VWA5B1: variants seen among roughly 807,000 people sequenced by gnomAD.
VWA5B1 encodes the protein von Willebrand factor A domain-containing protein 5B1.
In VWA5B1, 115 loss-of-function variants were observed where a neutral mutation model predicts 118.2. The ratio of observed to expected loss-of-function variants is 0.97; its 90% CI spans 0.84 to 1.14. The LOEUF (loss-of-function observed/expected upper bound fraction) is 1.14, where lower values mean the gene tolerates loss of function less well. VWA5B1 is among the 50% of genes most tolerant of loss of function. The probability of loss-of-function intolerance (pLI) is 0.00; values close to 1 mark genes in which losing one functional copy is unlikely to be tolerated. For synonymous variants in VWA5B1, 682 were observed against 658.4 expected, an observed-to-expected ratio of 1.04 and a Z score of -0.55; for missense variants, 1,596 against 1,603.8, an observed-to-expected ratio of 1.00 and a Z score of 0.08.
At chr1:20,340,796 G>A (rs755027022) in intron 14 of VWA5B1, among the ~76,000 whole-genome samples, 7 of 152,178 alleles carry the variant, frequency 4.6e-5, no homozygotes, top group Non-Finnish European at 8.8e-5. Flanking sequence ...GACCCACTTG[G>A]TTTTGAGTGT....
chr1:20,348,660 G>A (rs1182060769), intron 18 of VWA5B1, among the ~76,000 whole-genome samples: 1 of 152,152 alleles, frequency 6.6e-6, no homozygotes, highest in African/African-American at 2.4e-5. Context: ...GCTGTTCCCT[G>A]CCTCCAGCCT....
chr1:20,302,896 C>A (rs1033376957), intron 1 of VWA5B1, among the ~76,000 whole-genome samples: 2 of 152,178 alleles, frequency 1.3e-5, no homozygotes, highest in African/African-American at 4.8e-5. Context: ...GAGGTCTTGA[C>A]TGGCTGGAGC....
At chr1:20,322,970 C>T (rs12068526) in intron 7 of VWA5B1, 2,361 of 158,632 alleles carry the variant, frequency 0.015, 58 homozygotes, top group African/African-American at 0.052. Context: ...AGTGTAAAAG[C>T]GAGAGACCAT....
In VWA5B1 at chr1:20,350,204, G is replaced by A. The variant is rs1292110132; in HGVS notation, c.2927G>A (p.Gly976Asp). The A allele has an allele frequency of 1.9e-6, 3 of 1,551,046 alleles. No homozygotes were observed. The highest frequency in any genetic ancestry group is 1.7e-6 in the Non-Finnish European group (2 of 1,146,990). Residue 976 changes from glycine to aspartate, a missense_variant, in exon 19 of 22, where the codon GGC (glycine) becomes GAC (aspartate). Transcript: ENST00000289815. Reference protein sequence around the residue: ...TALFSEARSPGREKHGASEGP... With the variant: ...TALFSEARSPDREKHGASEGP... ...CTCTTCAGCGAGGCCAGGTCCCCCG[G>A]CCGCGAGAAGCACGGTGCTTCTGAA... is the stretch of plus-strand genomic sequence containing the variant.
At chr1:20,327,814 A>G (rs1029162983) in intron 8 of VWA5B1, 76 bp from the exon 9 acceptor site, 1 of 1,239,062 alleles carries the variant, frequency 8.1e-7, no homozygotes, top group African/African-American at 1.5e-5. Flanking sequence ...GTGCTGGGAA[A>G]GGGAATATTG....
At chr1:20,334,618 C>G (rs914740370) in intron 12 of VWA5B1, among the ~76,000 whole-genome samples, 10 of 152,090 alleles carry the variant, frequency 6.6e-5, no homozygotes, top group Admixed American at 6.6e-4. Flanking sequence ...CGAGACCAGC[C>G]TGGCCAACAT....
Position 20,345,575 on chromosome 1 carries a change from G to A in VWA5B1, c.2746G>A (p.Val916Met). 1.3e-6 allele frequency: 2 copies of A among 1,550,014 alleles called. No homozygotes were observed. The highest frequency in any genetic ancestry group is 2.4e-5 in the East Asian group (1 of 40,894). Reference protein sequence around the residue: ...VSKSRYLPTVVEYPNSGAALR... With the variant: ...VSKSRYLPTVMEYPNSGAALR... ...CAAGAGCCGGTACCTGCCCACCGTGGTGGAGTACCCCAACTCTGGTAAGGC... is the reference window on the plus strand; with the variant it reads ...CAAGAGCCGGTACCTGCCCACCGTGATGGAGTACCCCAACTCTGGTAAGGC... The change falls in exon 17 of 22, where the codon GTG becomes ATG. Residue 916 changes from valine (V) to methionine (M), a missense_variant. Val to Met is a conservative substitution (Grantham distance 21). Transcript: ENST00000289815.
In VWA5B1 at chr1:20,343,093, C is replaced by T. The variant is rs2089918651; in HGVS notation, c.2326C>T (p.Pro776Ser). Residue 776 changes from proline to serine, a missense_variant, in exon 16 of 22, where the codon CCC becomes TCC. Physicochemically the swap from Pro to Ser is moderately conservative, Grantham distance 74. Coordinates refer to ENST00000289815, the MANE Select transcript of VWA5B1 (RefSeq NM_001039500.3). ...TCTGCCCGCAGAGCCGTCCCACCAT[C>T]CCTCTGCCTTCGAGACAGAGACGTC... The part of the protein sequence containing the change: ...SPGDLEPSHH[P>S]SAFETETSSD... The T allele has an allele frequency of 6.6e-7, 1 of 1,525,506 alleles. No individual in the cohort carries two copies. Among genetic ancestry groups the T allele is most frequent in the Non-Finnish European group, 8.8e-7 (1 of 1,130,748 alleles). 94.5% of individuals were successfully genotyped at this position (1,525,506 alleles called of 1,614,324 possible). A position where few individuals can be genotyped will look rare whatever the true frequency, so the allele number is the denominator to read the frequency against.
intron 4 of VWA5B1, among the ~76,000 whole-genome samples, chr1:20,315,696 G>A (rs1460093553): frequency 1.3e-5 from 2 of 152,196 alleles, no homozygotes; most frequent in Non-Finnish European, 2.9e-5. Flanking sequence ...GGTGCCATGT[G>A]TCACGGCAGC....
At chr1:20,342,054 A>T (rs757944506) in intron 14 of VWA5B1, among the ~76,000 whole-genome samples, 17 of 152,086 alleles carry the variant, frequency 1.1e-4, no homozygotes, top group Non-Finnish European at 2.1e-4. Flanking sequence ...CCTTTTAAGT[A>T]TGACATATGG....
At position 20,302,740 on chromosome 1, in the gene VWA5B1, G is replaced by A. The variant is rs114898579; in HGVS notation, c.-26-7836G>A. Among the ~76,000 whole-genome samples, 1,163 of 152,284 alleles carry A rather than the reference G, an allele frequency of 7.6e-3. 13 individuals are homozygous for A. The highest frequency in any genetic ancestry group is 0.026 in the African/African-American group (1,061 of 41,564). On this transcript the variant is annotated intron_variant, in intron 1 of 21. Transcript: ENST00000289815. ...GCAATCTTAGGCAATGCAGGACCCC[G>A]AGAAGGCTCCATGGAGGTGGTGGCA...
At chr1:20,316,578 C>A (rs1279161487) in intron 4 of VWA5B1, among the ~76,000 whole-genome samples, 1 of 152,066 alleles carries the variant, frequency 6.6e-6, no homozygotes, top group African/African-American at 2.4e-5. Context: ...AGATTAAAGA[C>A]CTTAGGGGGT....
intron 11 of VWA5B1, 145 bp downstream of exon 11, chr1:20,331,128 G>C: frequency 1.4e-6 from 1 of 693,684 alleles, no homozygotes; most frequent in South Asian, 1.9e-5. Flanking sequence ...ATGAGAACCA[G>C]AGACTTGCAA....
chr1:20,337,812 C>G lies in VWA5B1; in HGVS notation c.2109C>G (p.Val703=), dbSNP rs944434711. The change falls in exon 14 of 22, where the codon GTC becomes GTG. Residue 703 remains valine, a synonymous_variant. Transcript: ENST00000289815. The part of the protein sequence containing the change: ...QDLTNQTSLD[V]QRWQIDLQPL... ...TCACCAACCAGACCAGCCTGGATGT[C>G]CAGCGGTGGCAGATTGATTTGCAGG... The G allele has an allele frequency of 1.4e-5, 22 of 1,551,678 alleles. No homozygotes were observed. The highest frequency in any genetic ancestry group is 1.9e-5 in the Non-Finnish European group (22 of 1,147,022).
chr1:20,304,697 G>C (rs1557830109), intron 1 of VWA5B1, among the ~76,000 whole-genome samples: 1 of 152,066 alleles, frequency 6.6e-6, no homozygotes, highest in Non-Finnish European at 1.5e-5. Flanking sequence ...TGGGAAGAGA[G>C]AAGAGAGGAT....
intron 1 of VWA5B1, among the ~76,000 whole-genome samples, chr1:20,308,316 G>C (rs1015699212): frequency 1.3e-5 from 2 of 152,224 alleles, no homozygotes; most frequent in Non-Finnish European, 2.9e-5. Flanking sequence ...CCCTGGGCCA[G>C]GGACAGTGTG....
chr1:20,300,369 A>G (rs2088482297), intron 1 of VWA5B1, among the ~76,000 whole-genome samples: 1 of 152,132 alleles, frequency 6.6e-6, no homozygotes, highest in African/African-American at 2.4e-5. Flanking sequence ...ATCTGAAGAG[A>G]TGGGTGGCAT....
Position 20,343,215 on chromosome 1 carries a change from C to A in VWA5B1, c.2448C>A (p.Gly816=). 6.5e-7 allele frequency: 1 copy of A among 1,549,692 alleles called. No homozygotes were observed. The highest frequency in any genetic ancestry group is 8.7e-7 in the Non-Finnish European group (1 of 1,146,802). ...TGCTGGGCAAGGCCCTGGTCAAAGG[C>A]CTGCACGACAGCCAACGCCTGCAGT... The part of the protein sequence containing the change: ...APVLGKALVK[G]LHDSQRLQWE... The change falls in exon 16 of 22, where the codon GGC becomes GGA. Residue 816 remains glycine, a synonymous_variant. Coordinates refer to ENST00000289815, the MANE Select transcript of VWA5B1 (RefSeq NM_001039500.3).
chr1:20,318,840 G>A (rs1049962843), intron 6 of VWA5B1, 119 bp downstream of exon 6: 2 of 1,386,014 alleles, frequency 1.4e-6, no homozygotes, highest in South Asian at 1.7e-5. Context: ...AAGAGTCGGG[G>A]TGGGGGGTGT....
Sources: gnomAD v4.1 joint callset for allele counts (sites outside exome capture counted in the v4.1 genomes callset) on GRCh38, gnomAD v4.1.1 for gene constraint, MANE v1.5 for transcripts, NCBI Gene and HGNC (gene_info 2026-07-23, HGNC 2026-07-21) for gene names.